RNF43: variants seen among roughly 807,000 people sequenced by gnomAD.
The protein encoded by RNF43 is ring finger protein 43.
In RNF43, 37 loss-of-function variants were observed where a neutral mutation model predicts 78.4. The ratio of observed to expected loss-of-function variants is 0.47; its 90% CI spans 0.36 to 0.62. The LOEUF is 0.62. Ranked by LOEUF, RNF43 falls within the 20% of genes least tolerant of loss-of-function variation. RNF43 has a pLI of 0.00. For synonymous variants in RNF43, 347 were observed against 395.0 expected (o/e 0.88, Z 1.44); for missense variants, 774 against 1,007.9 (o/e 0.77, Z 3.14).
intron 3 of RNF43, among the ~76,000 whole-genome samples, chr17:58,369,021 T>C (rs12945146): frequency 1.3e-5 from 2 of 151,812 alleles, no homozygotes; most frequent in Non-Finnish European, 2.9e-5. Flanking sequence ...CTCCCACCAA[T>C]AGCAGCAAAG....
chr17:58,402,340 C>G (rs1485625456), intron 2 of RNF43, among the ~76,000 whole-genome samples: 6 of 152,238 alleles, frequency 3.9e-5, no homozygotes, highest in Non-Finnish European at 8.8e-5. Context: ...AGAGCAAATG[C>G]TCTCTTCAGT....
chr17:58,400,682 T>G (rs373750101), intron 2 of RNF43, among the ~76,000 whole-genome samples: 1 of 152,234 alleles, frequency 6.6e-6, no homozygotes, highest in East Asian at 1.9e-4. Flanking sequence ...CTTTTCACTG[T>G]AGGATGTCGC....
chr17:58,390,047 G>T (rs2632506), intron 2 of RNF43, among the ~76,000 whole-genome samples: 128,711 of 152,210 alleles, frequency 0.85, 54,741 homozygotes, highest in East Asian at 1. Context: ...ACATGACGGG[G>T]TGCAGGGCAG....
chr17:58,362,595 G>T lies in RNF43; in HGVS notation c.636C>A (p.Ile212=). The T allele has an allele frequency of 6.2e-7, 1 of 1,612,272 alleles. No individual in the cohort carries two copies. The highest frequency in any genetic ancestry group is 8.5e-7 in the Non-Finnish European group (1 of 1,179,154). ...GGATGCGCAGCACCGAAGCCAGGAT[G>T]ATCACAAAGATGGTGCCCACCACTG... ...LMTVVGTIFV[I]ILASVLRIRC... is the part of the protein sequence containing the mutation. The change falls in exon 6 of 10, where the codon ATC becomes ATA. Residue 212 remains isoleucine (I), a synonymous_variant. Coordinates refer to ENST00000407977, the MANE Select transcript of RNF43 (RefSeq NM_017763.6).
At position 58,357,456 on chromosome 17, in the gene RNF43, C is replaced by T. The variant is rs1233440148; in HGVS notation, c.2308+12G>A. On this transcript the variant is annotated intron_variant, in intron 9 of 9. Transcript: ENST00000407977. This position sits in a 1 kb window ranked among gnomAD's most constrained non-coding sequence, Gnocchi z 4.5. ...CTCTCCCTACCACACCCACTTCCCT[C>T]TGAAAACTCACCAGGCTGGGCCGAC... The T allele has an allele frequency of 6.2e-7, 1 of 1,614,156 alleles. No individual in the cohort carries two copies. The highest frequency in any genetic ancestry group is 8.5e-7 in the Non-Finnish European group (1 of 1,180,056).
At chr17:58,376,795 C>T (rs917016) in intron 2 of RNF43, among the ~76,000 whole-genome samples, 129,732 of 152,100 alleles carry the variant, frequency 0.85, 55,675 homozygotes, top group East Asian at 1. Context: ...AAGGGTGTGG[C>T]TGTGGAGGGC....
At chr17:58,352,562 G>C, downstream of RNF43, 1 of 215,768 alleles carries the variant, frequency 4.6e-6, no homozygotes, top group Non-Finnish European at 9.3e-6. Context: ...GTTTTTTTTT[G>C]TTTTGTCTCC....
chr17:58,368,101 G>A (rs1178997895), intron 3 of RNF43, among the ~76,000 whole-genome samples: 3 of 152,216 alleles, frequency 2.0e-5, no homozygotes, highest in African/African-American at 7.2e-5. Context: ...TCTGGCTTGA[G>A]AGCCCCAGCT....
chr17:58,371,071 G>T, intron 2 of RNF43, 38 bp from the exon 3 acceptor site: 1 of 1,526,266 alleles, frequency 6.6e-7, no homozygotes, highest in South Asian at 1.3e-5. Flanking sequence ...GGAGGCTTTA[G>T]GCAGCAGGAG....
chr17:58,361,055 G>A (rs972917745), intron 6 of RNF43, 111 bp from the exon 7 acceptor site: 3 of 1,159,694 alleles, frequency 2.6e-6, no homozygotes, highest in South Asian at 3.7e-5. Context: ...ATGGCCAGTT[G>A]AACATCCTTA....
At chr17:58,395,141 C>T (rs1012059690) in intron 2 of RNF43, 6 of 152,218 alleles carry the variant, frequency 3.9e-5, no homozygotes, top group Non-Finnish European at 8.8e-5. Context: ...ACTACTACAA[C>T]CTCTTTCTGC....
rs187459119 is a variant in RNF43, at chr17:58,370,345, G to A, written c.375+566C>T. Among the ~76,000 whole-genome samples the A allele has an allele frequency of 1.2e-3, 186 of 152,258 alleles. 1 individual carries two copies. Among genetic ancestry groups the A allele is most frequent in the Admixed American group, 8.2e-3 (125 of 15,292 alleles). On this transcript the variant is annotated intron_variant, in intron 3 of 9. Transcript: ENST00000407977. ...GGCCTCCCAAAGTGCTGGGATTATA[G>A]GCGTGCGCCACCACGCCTAGTGAAA...
intron 2 of RNF43, among the ~76,000 whole-genome samples, chr17:58,385,201 C>A: frequency 6.6e-6 from 1 of 152,106 alleles, no homozygotes. Context: ...ATCTCTATTA[C>A]CTCTCTTCTG....
intron 2 of RNF43, among the ~76,000 whole-genome samples, chr17:58,380,074 C>A (rs989365386): frequency 6.6e-6 from 1 of 152,192 alleles, no homozygotes; most frequent in African/African-American, 2.4e-5. Flanking sequence ...ATAACCCAGT[C>A]ATGTGTTCTG....
chr17:58,363,698 AT>A, intron 3 of RNF43, 98 bp from the exon 4 acceptor site: 1 of 1,014,530 alleles, frequency 9.9e-7, no homozygotes, highest in Non-Finnish European at 1.5e-6. Context: ...CCTTCCTAGG[AT>A]TATGCCCACA....
chr17:58,405,673 CAGAG>C (rs1483936329), intron 2 of RNF43, among the ~76,000 whole-genome samples: 2 of 140,678 alleles, frequency 1.4e-5, no homozygotes, highest in South Asian at 4.4e-4. Flanking sequence ...AGAGAGGTGA[CAGAG>C]AGAGAGACCC....
chr17:58,353,616 G>T (rs541451092), downstream of RNF43: 1 of 208,934 alleles, frequency 4.8e-6, no homozygotes, highest in South Asian at 1.9e-4. Flanking sequence ...TGTAGAAAGA[G>T]ATGACGTTGT....
At position 58,360,049 on chromosome 17, in the gene RNF43, G is replaced by A. The variant is rs1157929400; in HGVS notation, c.952+100C>T. On this transcript the variant is annotated intron_variant, in intron 8 of 9. Transcript: ENST00000407977. This position sits in a 1 kb window ranked among gnomAD's most constrained non-coding sequence, Gnocchi z 4.3. ...CCCATACAACTATGGTGGCAGTTCT[G>A]CTTTCTCCCCAGCTTCAAGGCTGCA... is the stretch of plus-strand genomic sequence containing the variant. 9.2e-6 allele frequency: 8 copies of A among 866,966 alleles called. No individual in the cohort carries two copies. Among genetic ancestry groups the A allele is most frequent in the South Asian group, 4.3e-5 (3 of 69,686 alleles). The allele number at this position is 866,966 out of a possible 1,614,324, so 53.7% of individuals were successfully genotyped here.
chr17:58,388,838 A>T (rs1263201334), intron 2 of RNF43, among the ~76,000 whole-genome samples: 1 of 152,200 alleles, frequency 6.6e-6, no homozygotes, highest in Non-Finnish European at 1.5e-5. Flanking sequence ...AGAAACCAGG[A>T]GCCAGGTGAG....
Sources: gnomAD v4.1 joint callset for allele counts (sites outside exome capture counted in the v4.1 genomes callset) on GRCh38, gnomAD v4.1.1 for gene constraint, Gnocchi (gnomAD v3.1) non-coding constraint, MANE v1.5 for transcripts, NCBI Gene and HGNC (gene_info 2026-07-23, HGNC 2026-07-21) for gene names.